Variants in OSBPL3 observed in about 807,000 individuals in gnomAD.
OSBPL3 encodes oxysterol-binding protein-related protein 3.
OSBPL3 carries 65 observed loss-of-function variants against 120.1 expected under a neutral mutation model. That is an observed-to-expected ratio of 0.54 (90% CI 0.44 to 0.67). OSBPL3 has a LOEUF of 0.67. Ranked by LOEUF, OSBPL3 falls within the 30% of genes least tolerant of loss-of-function variation. OSBPL3 has a pLI of 0.00. For synonymous variants in OSBPL3, 416 were observed against 402.6 expected (o/e 1.03, Z -0.40); for missense variants, 1,004 against 1,082.1 (o/e 0.93, Z 1.01).
chr7:24,859,039 T>A (rs1347283727), intron 10 of OSBPL3, among the ~76,000 whole-genome samples: 1 of 152,234 alleles, frequency 6.6e-6, no homozygotes, highest in Non-Finnish European at 1.5e-5. Context: ...AGGTAACTCT[T>A]GCCATTTCAC....
At position 24,861,678 on chromosome 7, in the gene OSBPL3, T is replaced by A. The variant is rs1183604967; in HGVS notation, c.962A>T (p.Asp321Val). Residue 321 changes from aspartate (D) to valine (V), a missense_variant, in exon 10 of 23, where the codon GAT becomes GTT. Physicochemically the swap from Asp to Val is radical, Grantham distance 152. This residue lies in a region of OSBPL3 where 272 missense variants were observed against 248.8 expected (regional missense o/e 1.09). Coordinates refer to ENST00000313367, the MANE Select transcript of OSBPL3 (RefSeq NM_015550.4). ...LDFGEEKNYS[D>V]GSETSSEFSK... The stretch of plus-strand genomic sequence containing the variant: ...AAACTCTGATGAGGTTTCAGAGCCA[T>A]CAGAATAATTTTTCTCTTCTCCAAA... 1 of 1,611,702 alleles carries A rather than the reference T, an allele frequency of 6.2e-7. No individual in the cohort carries two copies. Among genetic ancestry groups the A allele is most frequent in the African/African-American group, 1.3e-5 (1 of 74,838 alleles).
At chr7:24,962,161 G>A (rs1038391673) in intron 1 of OSBPL3, among the ~76,000 whole-genome samples, 36 of 151,720 alleles carry the variant, frequency 2.4e-4, no homozygotes, top group Non-Finnish European at 1.9e-4. Flanking sequence ...AAATTAGCCA[G>A]GCATGGTGGG....
chr7:24,901,372 A>G (rs1324540422), intron 1 of OSBPL3, among the ~76,000 whole-genome samples: 1 of 151,780 alleles, frequency 6.6e-6, no homozygotes, highest in Non-Finnish European at 1.5e-5. Flanking sequence ...AAAGAGAGAG[A>G]GAGTTGGTAA....
intron 2 of OSBPL3, among the ~76,000 whole-genome samples, chr7:24,887,498 G>A (rs1023143217): frequency 6.6e-6 from 1 of 152,176 alleles, no homozygotes; most frequent in African/African-American, 2.4e-5. Context: ...TCCAAAGACT[G>A]TCAATGTCTT....
chr7:24,801,876 T>C (rs958594031), intron 22 of OSBPL3, among the ~76,000 whole-genome samples: 1 of 152,232 alleles, frequency 6.6e-6, no homozygotes, highest in African/African-American at 2.4e-5. Context: ...GATATTCCAT[T>C]GTATGGATGG....
chr7:24,929,743 T>C (rs908982154), intron 1 of OSBPL3, among the ~76,000 whole-genome samples: 3 of 152,208 alleles, frequency 2.0e-5, no homozygotes, highest in Non-Finnish European at 4.4e-5. Context: ...TATAGTCATC[T>C]GAGTTTAATT....
Position 24,918,022 on chromosome 7 carries a change from T to A in OSBPL3, c.-149-25401A>T. On this transcript the variant is annotated intron_variant, in intron 1 of 22. Transcript: ENST00000313367. This position sits in a 1 kb window ranked among gnomAD's most constrained non-coding sequence, Gnocchi z 4.3. The stretch of plus-strand genomic sequence containing the variant: ...CTTTCAAATTCAGTGATCCTATGAG[T>A]CCATAAAATGACTAGCACTCTTACC... The A allele has an allele frequency of 2.1e-6, 2 of 948,512 alleles. No individual in the cohort carries two copies. The highest frequency in any genetic ancestry group is 2.5e-6 in the Non-Finnish European group (2 of 796,296). 58.8% of individuals were successfully genotyped at this position (948,512 alleles called of 1,614,324 possible).
In OSBPL3 at chr7:24,806,455, TC is replaced by T. The variant is rs1324004257; in HGVS notation, c.2444+320del. Among the ~76,000 whole-genome samples, 1 of 152,152 alleles carries T rather than the reference TC, an allele frequency of 6.6e-6. No individual in the cohort carries two copies. Among genetic ancestry groups the T allele is most frequent in the Non-Finnish European group, 1.5e-5 (1 of 68,022 alleles). On this transcript the variant is annotated intron_variant, in intron 21 of 22. Coordinates refer to ENST00000313367, the MANE Select transcript of OSBPL3 (RefSeq NM_015550.4). The surrounding 1 kb of genome is among the most constrained non-coding windows in gnomAD (Gnocchi z 5.2). ...ACCAAAATCATTTAAATTTGAGGGC[TC>T]GGGGAGCTGGAGGTTTTAACTTACT...
intron 5 of OSBPL3, among the ~76,000 whole-genome samples, chr7:24,868,341 G>T (rs1801638367): frequency 5.0e-5 from 1 of 20,002 alleles, no homozygotes; most frequent in South Asian, 1.5e-3. Flanking sequence ...AAAAAAAAGT[G>T]TGTGTGTGTG....
At chr7:24,977,820 T>C (rs577181322) in intron 1 of OSBPL3, among the ~76,000 whole-genome samples, 105 of 152,266 alleles carry the variant, frequency 6.9e-4, no homozygotes, top group Non-Finnish European at 1.4e-3. Context: ...CGCGCCACTG[T>C]ACTCCAGCCT....
rs1794569635 is a variant in OSBPL3, at chr7:24,817,098, A to C, written c.1949-410T>G. 6.6e-6 allele frequency among the ~76,000 whole-genome samples: 1 copy of C among 152,242 alleles called. No homozygotes were observed. Among genetic ancestry groups the C allele is most frequent in the Admixed American group, 6.5e-5 (1 of 15,278 alleles). ...GAATAAGCAGGAGTTCACTGGGCAG[A>C]GAAAAAGCAATTTAAGGCCAAATAA... On this transcript the variant is annotated intron_variant, in intron 17 of 22. Transcript: ENST00000313367. This position sits in a 1 kb window ranked among gnomAD's most constrained non-coding sequence, Gnocchi z 4.0.
In OSBPL3 at chr7:24,796,865, AAC is replaced by A. The variant is rs1183181673; in HGVS notation, c.*3316_*3317del. ...AGAAAAATGAAGACTAACACTGAGT[AAC>A]AGATTAGTACAATGCAGAGGAAAAT... On this transcript the variant is annotated 3_prime_UTR_variant, in exon 23 of 23. Coordinates refer to ENST00000313367, the MANE Select transcript of OSBPL3 (RefSeq NM_015550.4). The surrounding 1 kb of genome is among the most constrained non-coding windows in gnomAD (Gnocchi z 5.2). 1 of 152,270 alleles carries A rather than the reference AAC, an allele frequency of 6.6e-6. No individual in the cohort carries two copies. Among genetic ancestry groups the A allele is most frequent in the African/African-American group, 2.4e-5 (1 of 41,472 alleles). 9.4% of individuals were successfully genotyped at this position (152,270 alleles called of 1,614,324 possible). A position where few individuals can be genotyped will look rare whatever the true frequency, so the allele number is the denominator to read the frequency against.
rs1264756766 is a variant in OSBPL3 at position 24,916,366 on chromosome 7, G to GTT, written c.-149-23747_-149-23746dup. ...GTACAGAGGCATGGCTGAAATAAAT[G>GTT]TTAACATTTGTTATCTTCCGCTTGA... is the stretch of plus-strand genomic sequence containing the variant. On this transcript the variant is annotated intron_variant, in intron 1 of 22. Transcript: ENST00000313367. This position sits in a 1 kb window ranked among gnomAD's most constrained non-coding sequence, Gnocchi z 4.9. Among the ~76,000 whole-genome samples, 2 of 152,004 alleles carry GTT rather than the reference G, an allele frequency of 1.3e-5. No individual in the cohort carries two copies. The highest frequency in any genetic ancestry group is 4.8e-5 in the African/African-American group (2 of 41,378).
At position 24,922,278 on chromosome 7, in the gene OSBPL3, T is replaced by G. The variant is rs1009647560; in HGVS notation, c.-149-29657A>C. On this transcript the variant is annotated intron_variant, in intron 1 of 22. Coordinates refer to ENST00000313367, the MANE Select transcript of OSBPL3 (RefSeq NM_015550.4). This position sits in a 1 kb window ranked among gnomAD's most constrained non-coding sequence, Gnocchi z 4.3. ...TACAAAAAGTCCTAGAAGGGCACAG[T>G]GAGGGGGACTGGGGAGAGCACAAAC... Among the ~76,000 whole-genome samples the G allele has an allele frequency of 6.6e-6, 1 of 152,100 alleles. No homozygotes were observed. Among genetic ancestry groups the G allele is most frequent in the African/African-American group, 2.4e-5 (1 of 41,408 alleles).
intron 2 of OSBPL3, 119 bp downstream of exon 2, chr7:24,892,258 A>G (rs907318694): frequency 3.1e-6 from 3 of 962,134 alleles, no homozygotes; most frequent in African/African-American, 3.2e-5. Flanking sequence ...TCAAGAGATA[A>G]CCAAAAGTAA....
chr7:24,948,347 T>C lies in OSBPL3; in HGVS notation c.-150+31539A>G, dbSNP rs73691280. Among the ~76,000 whole-genome samples the C allele has an allele frequency of 2.6e-3, 389 of 152,238 alleles. 1 individual carries two copies. Among genetic ancestry groups the C allele is most frequent in the African/African-American group, 9.0e-3 (373 of 41,540 alleles). ...CTATTAATACTTCAGAAGGTAGACC[T>C]ATGGCTTACAGGTGGAAGTCAAAGC... On this transcript the variant is annotated intron_variant, in intron 1 of 22. Coordinates refer to ENST00000313367, the MANE Select transcript of OSBPL3 (RefSeq NM_015550.4).
At chr7:24,848,994 C>T (rs981025819) in intron 12 of OSBPL3, 75 bp downstream of exon 12, 6 of 1,004,970 alleles carry the variant, frequency 6.0e-6, no homozygotes, top group Non-Finnish European at 7.8e-6. Flanking sequence ...GCAGGGAGGT[C>T]GTGCAATGGG....
intron 14 of OSBPL3, among the ~76,000 whole-genome samples, chr7:24,837,110 C>A (rs548866246): frequency 8.5e-5 from 13 of 152,060 alleles, no homozygotes; most frequent in Non-Finnish European, 1.8e-4. Context: ...CCTGGGATTA[C>A]AGGCGTGAGC....
rs895108396 is a variant in OSBPL3, at chr7:24,827,501, C to T, written c.1884+3267G>A. ...TGAATCACATAGCTGCATCTTCACA[C>T]TGTATGCTCACTTAGGATTCTCATT... On this transcript the variant is annotated intron_variant, in intron 16 of 22. Coordinates refer to ENST00000313367, the MANE Select transcript of OSBPL3 (RefSeq NM_015550.4). This position sits in a 1 kb window ranked among gnomAD's most constrained non-coding sequence, Gnocchi z 5.1. 2.6e-5 allele frequency among the ~76,000 whole-genome samples: 4 copies of T among 152,254 alleles called. No individual in the cohort carries two copies. Among genetic ancestry groups the T allele is most frequent in the African/African-American group, 9.6e-5 (4 of 41,480 alleles).
Sources: gnomAD v4.1 joint callset for allele counts (sites outside exome capture counted in the v4.1 genomes callset) on GRCh38, gnomAD v4.1.1 for gene constraint, gnomAD v4.1.1 regional missense constraint, Gnocchi (gnomAD v3.1) non-coding constraint, MANE v1.5 for transcripts, NCBI Gene and HGNC (gene_info 2026-07-23, HGNC 2026-07-21) for gene names.